Variants in LRP1B observed in about 807,000 individuals in gnomAD.
LRP1B encodes LDL receptor related protein 1B, also known as low-density lipoprotein receptor-related protein 1B.
Under a neutral mutation model 556.6 loss-of-function variants are expected in LRP1B, and 217 were observed. That is an observed-to-expected ratio of 0.39 (90% CI 0.35 to 0.44). LRP1B has a LOEUF of 0.44. Ranked by LOEUF, LRP1B falls within the 20% of genes least tolerant of loss-of-function variation. LRP1B has a pLI of 1.00. For missense variants in LRP1B, 5,053 were observed against 5,620.8 expected (o/e 0.90, Z 3.23); for synonymous variants, 2,047 against 1,865.8 (o/e 1.10, Z -2.50).
chr2:142,013,941 C>T (rs144258651), intron 1 of LRP1B, among the ~76,000 whole-genome samples: 66 of 152,182 alleles, frequency 4.3e-4, no homozygotes, highest in Middle Eastern at 3.4e-3. Flanking sequence ...CTTGGGAGTG[C>T]CCAGATATCC....
At chr2:140,345,080 T>G (rs754037214) in intron 77 of LRP1B, among the ~76,000 whole-genome samples, 14 of 151,768 alleles carry the variant, frequency 9.2e-5, no homozygotes, top group Non-Finnish European at 1.9e-4. Context: ...GCCAACATTT[T>G]GCTCAGGATA....
At chr2:141,408,028 G>A (rs1422706971) in intron 3 of LRP1B, among the ~76,000 whole-genome samples, 1 of 151,986 alleles carries the variant, frequency 6.6e-6, no homozygotes, top group Admixed American at 6.6e-5. Flanking sequence ...CTGGTTTTCA[G>A]GAGAAATCTT....
intron 6 of LRP1B, among the ~76,000 whole-genome samples, chr2:141,214,696 G>C (rs562188792): frequency 6.6e-6 from 1 of 152,170 alleles, no homozygotes; most frequent in African/African-American, 2.4e-5. Flanking sequence ...GCATTAAGCT[G>C]TTCCTATGTT....
At chr2:140,255,921 T>G (rs1009092319) in intron 86 of LRP1B, among the ~76,000 whole-genome samples, 2 of 152,198 alleles carry the variant, frequency 1.3e-5, no homozygotes, top group Admixed American at 1.3e-4. Context: ...ATTCACTTAT[T>G]CTTTAATTCA....
chr2:140,317,458 A>G (rs1361408409), intron 82 of LRP1B, among the ~76,000 whole-genome samples: 1 of 151,148 alleles, frequency 6.6e-6, no homozygotes, highest in African/African-American at 2.5e-5. Flanking sequence ...GTTTCTGACC[A>G]GGACAATTAG....
intron 31 of LRP1B, among the ~76,000 whole-genome samples, chr2:140,814,550 A>G (rs1691039063): frequency 6.6e-6 from 1 of 152,300 alleles, no homozygotes; most frequent in African/African-American, 2.4e-5. Context: ...GTAATGACTC[A>G]TTTGGGATAC....
Position 140,247,133 on chromosome 2 carries a change from C to A in LRP1B, c.13277G>T (p.Cys4426Phe), listed in dbSNP as rs767752057. ...LCSTNWSGTQ[C>F]ERPAPKSSKS... is the part of the protein sequence containing the mutation. ...GCTGCTCTTTGGGGCTGGCCTTTCACACTGTGTGCCTGACCAGTTGGTGGA... is the reference window on the plus strand; with the variant it reads ...GCTGCTCTTTGGGGCTGGCCTTTCAAACTGTGTGCCTGACCAGTTGGTGGA... The change falls in exon 87 of 91, where the codon TGT becomes TTT. Residue 4426 changes from cysteine (C) to phenylalanine (F), a missense_variant. Cys to Phe is a radical substitution (Grantham distance 205, BLOSUM62 -2). Transcript: ENST00000389484. 6.2e-7 allele frequency: 1 copy of A among 1,609,320 alleles called. No individual in the cohort carries two copies.
rs747411481 is a variant in LRP1B, at chr2:140,525,970, A to T, written c.7900T>A (p.Tyr2634Asn). ...CCTGTGGTTTTCACTCCAAGCTTAT[A>T]GAAATGTGTGCAGTCTGTGTTATCT... Reference protein sequence around the residue: ...NCNNTDCTHFYKLGVKTTGFI... With the variant: ...NCNNTDCTHFNKLGVKTTGFI... The change falls in exon 49 of 91, where the codon TAT (tyrosine) becomes AAT (asparagine). Residue 2634 changes from tyrosine to asparagine, a missense_variant. Around this residue, in one of 5 missense-constraint regions of LRP1B, gnomAD observed 3,619 missense variants for 3,931.9 expected, o/e 0.92. Coordinates refer to ENST00000389484, the MANE Select transcript of LRP1B (RefSeq NM_018557.3). The T allele has an allele frequency of 5.6e-6, 9 of 1,612,216 alleles. No individual in the cohort carries two copies. The highest frequency in any genetic ancestry group is 7.6e-6 in the Non-Finnish European group (9 of 1,178,856).
intron 1 of LRP1B, among the ~76,000 whole-genome samples, chr2:141,987,117 G>T (rs1324564279): frequency 6.6e-6 from 1 of 150,538 alleles, no homozygotes; most frequent in African/African-American, 2.4e-5. Flanking sequence ...TTTATCTCCA[G>T]CATGAAACAT....
At chr2:141,087,682 C>T (rs3856356) in intron 7 of LRP1B, among the ~76,000 whole-genome samples, 35,112 of 152,008 alleles carry the variant, frequency 0.23, 4,631 homozygotes, top group East Asian at 0.51. Flanking sequence ...TTCCTAACAT[C>T]TGCTAGAGGA....
chr2:141,657,914 CCTTT>C (rs1690074828), intron 2 of LRP1B, among the ~76,000 whole-genome samples: 1 of 152,200 alleles, frequency 6.6e-6, no homozygotes, highest in Non-Finnish European at 1.5e-5. Flanking sequence ...CTGCTCCCAT[CCTTT>C]CTATTAATTG....
At chr2:141,989,057 T>C (rs1052203906) in intron 1 of LRP1B, among the ~76,000 whole-genome samples, 25 of 152,232 alleles carry the variant, frequency 1.6e-4, no homozygotes, top group African/African-American at 5.8e-4. Context: ...AACTTCTTTA[T>C]CCACTCCAGT....
chr2:141,315,305 GGTGGA>G (rs1686987172), intron 3 of LRP1B, among the ~76,000 whole-genome samples: 2 of 124,422 alleles, frequency 1.6e-5, no homozygotes, highest in Non-Finnish European at 3.2e-5. Flanking sequence ...TGTCGCCCAG[GGTGGA>G]GTGCAGTGGC....
At chr2:141,810,169 G>GT in intron 2 of LRP1B, 110 bp downstream of exon 2, 1 of 727,154 alleles carries the variant, frequency 1.4e-6, no homozygotes, top group Non-Finnish European at 2.0e-6. Flanking sequence ...AAGAAAGAAG[G>GT]AAAGAAAGAA....
intron 2 of LRP1B, among the ~76,000 whole-genome samples, chr2:141,767,635 T>A (rs1694769405): frequency 6.6e-6 from 1 of 152,158 alleles, no homozygotes; most frequent in Admixed American, 6.5e-5. Flanking sequence ...TAAAGAGTTG[T>A]ATGCTGAGAT....
intron 66 of LRP1B, among the ~76,000 whole-genome samples, chr2:140,437,319 G>C (rs899136820): frequency 3.3e-5 from 5 of 152,112 alleles, no homozygotes; most frequent in Admixed American, 2.0e-4. Context: ...GAGAGATACT[G>C]TGATACCATA....
intron 43 of LRP1B, among the ~76,000 whole-genome samples, chr2:140,593,903 T>C (rs956847958): frequency 1.8e-4 from 28 of 152,196 alleles, no homozygotes; most frequent in Admixed American, 1.6e-3. Flanking sequence ...ATGATAAATA[T>C]GAGTTGTAAG....
At chr2:141,785,848 T>G (rs1322794863) in intron 2 of LRP1B, among the ~76,000 whole-genome samples, 1 of 151,654 alleles carries the variant, frequency 6.6e-6, no homozygotes, top group African/African-American at 2.4e-5. Flanking sequence ...TACCTAATAG[T>G]CCATTCATAT....
intron 21 of LRP1B, among the ~76,000 whole-genome samples, chr2:140,908,309 G>A (rs928614477): frequency 6.7e-6 from 1 of 148,262 alleles, no homozygotes; most frequent in African/African-American, 2.5e-5. Context: ...TTAGATTCAA[G>A]TCATTGCTCT....
Sources: gnomAD v4.1 joint callset for allele counts (sites outside exome capture counted in the v4.1 genomes callset) on GRCh38, gnomAD v4.1.1 for gene constraint, gnomAD v4.1.1 regional missense constraint, MANE v1.5 for transcripts, NCBI Gene and HGNC (gene_info 2026-07-23, HGNC 2026-07-21) for gene names.